Variants in ANO2 observed in about 807,000 individuals in gnomAD.
ANO2 encodes the protein anoctamin-2.
Under a neutral mutation model 124.2 loss-of-function variants are expected in ANO2, and 101 were observed. The ratio of observed to expected loss-of-function variants is 0.81; its 90% CI spans 0.69 to 0.96. The LOEUF is 0.96. Ranked by LOEUF, ANO2 falls within the 40% of genes least tolerant of loss-of-function variation. The probability of loss-of-function intolerance (pLI) is 0.00; values close to 1 mark genes in which losing one functional copy is unlikely to be tolerated. For missense variants in ANO2, 1,293 were observed against 1,274.5 expected (o/e 1.01, Z -0.22); for synonymous variants, 486 against 482.5 (o/e 1.01, Z -0.09).
At chr12:5,674,661 T>C (rs566504820) in intron 14 of ANO2, among the ~76,000 whole-genome samples, 42 of 152,278 alleles carry the variant, frequency 2.8e-4, no homozygotes, top group Admixed American at 1.1e-3. Flanking sequence ...TTCCAGCCAC[T>C]CCCAACACAC....
rs868623656 is a variant in ANO2 at position 5,773,585 on chromosome 12, T to G, written c.1056-22615A>C. ...ATCATCATCTTTATCATCGTGCTAA[T>G]TCCTAATTCAGTTATGGATTAGAAA... On this transcript the variant is annotated intron_variant, in intron 10 of 24. Coordinates refer to ENST00000682330, the MANE Select transcript of ANO2 (RefSeq NM_001364791.2). Among the ~76,000 whole-genome samples, 7 of 152,344 alleles carry G rather than the reference T, an allele frequency of 4.6e-5. No individual in the cohort carries two copies. The South Asian group carries it at 1.5e-3, about 32-fold the overall frequency.
intron 19 of ANO2, among the ~76,000 whole-genome samples, chr12:5,609,845 T>G (rs1944397652): frequency 6.6e-6 from 1 of 150,510 alleles, no homozygotes; most frequent in South Asian, 2.1e-4. Flanking sequence ...AAACCAGAAT[T>G]AGTCTATTGC....
At chr12:5,909,867 G>A (rs1940943364) in intron 3 of ANO2, among the ~76,000 whole-genome samples, 1 of 152,198 alleles carries the variant, frequency 6.6e-6, no homozygotes, top group Admixed American at 6.5e-5. Context: ...TCAAGGGCAT[G>A]TAGGCATTTT....
intron 16 of ANO2, among the ~76,000 whole-genome samples, chr12:5,623,625 C>G (rs2136921586): frequency 6.6e-6 from 1 of 152,288 alleles, no homozygotes; most frequent in South Asian, 2.1e-4. Flanking sequence ...CCATCTTAAT[C>G]CTATGGAAAC....
intron 3 of ANO2, among the ~76,000 whole-genome samples, chr12:5,917,557 T>A (rs1474762694): frequency 9.1e-6 from 1 of 109,526 alleles, no homozygotes; most frequent in African/African-American, 2.8e-5. Context: ...ATTATTATTC[T>A]CTTTTTTCTT....
intron 4 of ANO2, among the ~76,000 whole-genome samples, chr12:5,848,193 T>A (rs1954745541): frequency 6.6e-6 from 1 of 152,118 alleles, no homozygotes; most frequent in African/African-American, 2.4e-5. Flanking sequence ...ACAGGAAAAA[T>A]TTGCCTCCTT....
In ANO2 at chr12:5,694,217, G is replaced by A. The variant is rs755841657; in HGVS notation, c.1545+38303C>T. On this transcript the variant is annotated intron_variant, in intron 14 of 24. Transcript: ENST00000682330. Reference sequence around the variant, plus strand: ...AGTCCCCAAAGCTTCGAGGATCTCTGCTTCAGTTCCTTAGCAGAAGGGTTT... The same window carrying A: ...AGTCCCCAAAGCTTCGAGGATCTCTACTTCAGTTCCTTAGCAGAAGGGTTT... Among the ~76,000 whole-genome samples, 376 of 148,724 alleles carry A rather than the reference G, an allele frequency of 2.5e-3. 3 individuals are homozygous for A. The highest frequency in any genetic ancestry group is 3.7e-3 in the Non-Finnish European group (249 of 67,522).
chr12:5,615,733 A>C (rs1944771465), intron 16 of ANO2, among the ~76,000 whole-genome samples: 1 of 152,154 alleles, frequency 6.6e-6, no homozygotes, highest in African/African-American at 2.4e-5. Context: ...TAGAGTTACA[A>C]GGGTACCATG....
intron 10 of ANO2, among the ~76,000 whole-genome samples, chr12:5,768,824 A>T (rs1171775969): frequency 3.9e-5 from 6 of 152,048 alleles, no homozygotes; most frequent in Admixed American, 3.9e-4. Context: ...CACAGTAGCC[A>T]CTCCTCAGAT....
intron 4 of ANO2, among the ~76,000 whole-genome samples, chr12:5,833,106 C>T (rs959800535): frequency 8.5e-5 from 13 of 152,160 alleles, no homozygotes; most frequent in South Asian, 2.1e-4. Context: ...TCTAAAACTG[C>T]GCCACGCTTC....
chr12:5,763,039 T>C (rs1010833686), intron 10 of ANO2, among the ~76,000 whole-genome samples: 2 of 152,040 alleles, frequency 1.3e-5, no homozygotes, highest in Non-Finnish European at 2.9e-5. Flanking sequence ...AAATGAATGA[T>C]ATAGTAACTT....
Position 5,589,145 on chromosome 12 carries a change from A to G in ANO2, c.2233+10339T>C, listed in dbSNP as rs115425985. On this transcript the variant is annotated intron_variant, in intron 20 of 24. Transcript: ENST00000682330. The stretch of plus-strand genomic sequence containing the variant: ...GAGACGGCAGAAACTATTGCCCCCA[A>G]TGAAGTTTTGACATCTGCTGTGAAC... Among the ~76,000 whole-genome samples the G allele has an allele frequency of 4.8e-3, 727 of 152,318 alleles. 7 individuals carry two copies. The highest frequency in any genetic ancestry group is 0.015 in the African/African-American group (633 of 41,576).
chr12:5,648,290 T>C (rs952817410), intron 14 of ANO2, among the ~76,000 whole-genome samples: 2 of 152,172 alleles, frequency 1.3e-5, no homozygotes, highest in African/African-American at 4.8e-5. Flanking sequence ...ATCTGCTAAA[T>C]AAAATACCAA....
chr12:5,669,828 G>C (rs1947903122), intron 14 of ANO2, among the ~76,000 whole-genome samples: 1 of 152,204 alleles, frequency 6.6e-6, no homozygotes, highest in Non-Finnish European at 1.5e-5. Flanking sequence ...GCATATGACT[G>C]TGAGCTCCCT....
At chr12:5,911,193 T>C (rs1333591640) in intron 3 of ANO2, among the ~76,000 whole-genome samples, 1 of 152,140 alleles carries the variant, frequency 6.6e-6, no homozygotes, top group East Asian at 1.9e-4. Context: ...AGGGGCCATG[T>C]CTTATTCACC....
In ANO2 at chr12:5,563,554, G is replaced by C; in HGVS notation, c.2742C>G (p.Phe914Leu). ...FVIIFQNLVM[F>L]LSVLVDWMIP... ...TCATCCAGTCCACGAGGACGCTCAGGAACATCACGAGGTTCTGCAAAAAGC... is the reference window on the plus strand; with the variant it reads ...TCATCCAGTCCACGAGGACGCTCAGCAACATCACGAGGTTCTGCAAAAAGC... The change falls in exon 25 of 25, where the codon TTC (phenylalanine) becomes TTG (leucine). Residue 914 changes from phenylalanine (F) to leucine (L), a missense_variant. Phe to Leu is a conservative substitution (Grantham distance 22). Coordinates refer to ENST00000682330, the MANE Select transcript of ANO2 (RefSeq NM_001364791.2). 2.5e-6 allele frequency: 4 copies of C among 1,613,982 alleles called. No individual in the cohort carries two copies. Among genetic ancestry groups the C allele is most frequent in the Non-Finnish European group, 3.4e-6 (4 of 1,179,888 alleles).
chr12:5,703,407 T>A (rs972598375), intron 14 of ANO2, among the ~76,000 whole-genome samples: 1 of 152,160 alleles, frequency 6.6e-6, no homozygotes, highest in Non-Finnish European at 1.5e-5. Flanking sequence ...GGTGAGAAAG[T>A]AAGGGGCGCC....
chr12:5,692,139 T>C (rs960166615), intron 14 of ANO2, among the ~76,000 whole-genome samples: 1 of 152,160 alleles, frequency 6.6e-6, no homozygotes, highest in African/African-American at 2.4e-5. Flanking sequence ...AGGCGGATGA[T>C]GCAATACCCC....
Position 5,919,586 on chromosome 12 carries a change from G to A in ANO2, c.534+1454C>T, listed in dbSNP as rs529757414. 2.2e-3 allele frequency among the ~76,000 whole-genome samples: 335 copies of A among 152,224 alleles called. 4 individuals carry two copies. Among genetic ancestry groups the A allele is most frequent in the Admixed American group, 8.8e-3 (134 of 15,292 alleles). On this transcript the variant is annotated intron_variant, in intron 3 of 24. Transcript: ENST00000682330. ...AAAGCAGAGAGGGCAATAGCACAAA[G>A]ACCTGAGGTCAAGGTGATCAGCCCA...
Sources: gnomAD v4.1 joint callset for allele counts (sites outside exome capture counted in the v4.1 genomes callset) on GRCh38, gnomAD v4.1.1 for gene constraint, MANE v1.5 for transcripts, NCBI Gene and HGNC (gene_info 2026-07-23, HGNC 2026-07-21) for gene names.